Variants in PGS1 observed in about 807,000 individuals in gnomAD.
PGS1 encodes CDP-diacylglycerol--glycerol-3-phosphate 3-phosphatidyltransferase, mitochondrial.
A neutral mutation model predicts 58.3 loss-of-function variants in PGS1; 44 were observed. The ratio of observed to expected loss-of-function variants is 0.75; its 90% CI spans 0.59 to 0.97. The LOEUF is 0.97. PGS1 is among the 50% of genes least tolerant of loss of function. The probability of loss-of-function intolerance (pLI) is 0.00; values close to 1 mark genes in which losing one functional copy is unlikely to be tolerated. For synonymous variants in PGS1, 330 were observed against 311.0 expected (o/e 1.06, Z -0.64); for missense variants, 684 against 731.1 (o/e 0.94, Z 0.74).
rs534856477 is a variant in PGS1 at position 78,422,887 on chromosome 17, G to C, written c.*11-1174G>C. ...GAGGTTGGTGAATCACCTGAGGTTAGAAGTTTGAGACCAGCCTGGCCAACA... is the reference window on the plus strand; with the variant it reads ...GAGGTTGGTGAATCACCTGAGGTTACAAGTTTGAGACCAGCCTGGCCAACA... On this transcript the variant is annotated intron_variant, in intron 9 of 9. Transcript: ENST00000262764. 2.0e-5 allele frequency among the ~76,000 whole-genome samples: 3 copies of C among 152,122 alleles called. No individual in the cohort carries two copies. The South Asian group carries it at 6.2e-4, about 32-fold the overall frequency.
At chr17:78,410,462 CTTTTTTTTTTTT>C (rs572547320) in intron 7 of PGS1, among the ~76,000 whole-genome samples, 156 of 73,550 alleles carry the variant, frequency 2.1e-3, no homozygotes, top group African/African-American at 3.8e-3. Context: ...AACTTCAGAG[CTTTTTTTTTTTT>C]TTTTTTTTTT....
chr17:78,397,598 G>GCCTGA (rs1567962316), intron 3 of PGS1, among the ~76,000 whole-genome samples: 5 of 121,734 alleles, frequency 4.1e-5, no homozygotes, highest in Admixed American at 8.2e-5. Flanking sequence ...CACCCCCCCA[G>GCCTGA]CTAATTTTGT....
In PGS1 at chr17:78,400,824, G is replaced by A. The variant is rs571851421; in HGVS notation, c.849G>A (p.Gln283=). 1 of 1,611,458 alleles carries A rather than the reference G, an allele frequency of 6.2e-7. No individual in the cohort carries two copies. The highest frequency in any genetic ancestry group is 1.7e-5 in the Admixed American group (1 of 59,836). ...SLQLQGDDTV[Q]VVDGMVHPYK... Reference sequence around the variant, plus strand: ...AGCTGCAGGGGGACGACACGGTGCAGGTGGTGGATGGGATGGTGCATCCTT... The same window carrying A: ...AGCTGCAGGGGGACGACACGGTGCAAGTGGTGGATGGGATGGTGCATCCTT... The change falls in exon 6 of 10, where the codon CAG becomes CAA. Residue 283 remains glutamine, a synonymous_variant. Transcript: ENST00000262764. The surrounding 1 kb of genome is among the most constrained non-coding windows in gnomAD (Gnocchi z 4.4).
At chr17:78,411,902 C>CA (rs2084739777) in intron 7 of PGS1, among the ~76,000 whole-genome samples, 1 of 57,986 alleles carries the variant, frequency 1.7e-5, no homozygotes, top group Admixed American at 3.0e-4. Flanking sequence ...AGGGCTCCTG[C>CA]TTTTTTTTTT....
At position 78,378,691 on chromosome 17, in the gene PGS1, C is replaced by T. The variant is rs779304585; in HGVS notation, c.26C>T (p.Ala9Val). The T allele has an allele frequency of 1.6e-5, 25 of 1,525,656 alleles. No homozygotes were observed. Among genetic ancestry groups the T allele is most frequent in the East Asian group, 2.6e-5 (1 of 37,926 alleles). 94.5% of individuals were successfully genotyped at this position (1,525,656 alleles called of 1,614,324 possible). A position where few individuals can be genotyped will look rare whatever the true frequency, so the allele number is the denominator to read the frequency against. MAVAAAAA[A>V]GPVFWRRLLG... is the part of the protein sequence containing the mutation. ...ATGGCGGTGGCGGCGGCAGCTGCGG[C>T]GGGACCCGTGTTCTGGAGGCGACTG... The change falls in exon 1 of 10, where the codon GCG becomes GTG. Residue 9 changes from alanine (A) to valine (V), a missense_variant. Ala to Val is a moderately conservative substitution (Grantham distance 64). Transcript: ENST00000262764.
At chr17:78,404,754 G>A (rs1368358977) in intron 7 of PGS1, among the ~76,000 whole-genome samples, 2 of 152,244 alleles carry the variant, frequency 1.3e-5, no homozygotes, top group African/African-American at 2.4e-5. Context: ...TCCTCCTCCT[G>A]GGTTCAAGCG....
intron 4 of PGS1, among the ~76,000 whole-genome samples, chr17:78,399,024 T>G (rs2146197939): frequency 6.6e-6 from 1 of 152,322 alleles, no homozygotes; most frequent in East Asian, 1.9e-4. Flanking sequence ...TAGGGTCGTC[T>G]TCACCCAGAG....
intron 1 of PGS1, among the ~76,000 whole-genome samples, chr17:78,389,108 G>C (rs2082621729): frequency 7.4e-6 from 1 of 135,738 alleles, no homozygotes; most frequent in South Asian, 2.3e-4. Context: ...TCTCACCCAG[G>C]TTGGAGTGCA....
At chr17:78,417,538 T>C (rs2085297985) in intron 8 of PGS1, among the ~76,000 whole-genome samples, 1 of 152,080 alleles carries the variant, frequency 6.6e-6, no homozygotes, top group South Asian at 2.1e-4. Flanking sequence ...CCACATTCTG[T>C]AGGGTTCTGG....
At chr17:78,381,752 G>A (rs1389340548) in intron 1 of PGS1, among the ~76,000 whole-genome samples, 1 of 152,170 alleles carries the variant, frequency 6.6e-6, no homozygotes, top group Non-Finnish European at 1.5e-5. Context: ...TACTGCCGCG[G>A]TTTCCTTTCA....
Position 78,418,229 on chromosome 17 carries a change from C to T in PGS1, c.1552-1317C>T, listed in dbSNP as rs915998795. Among the ~76,000 whole-genome samples the T allele has an allele frequency of 2.2e-4, 33 of 152,124 alleles. 3 individuals carry two copies. Among genetic ancestry groups the T allele is most frequent in the Admixed American group, 1.6e-3 (24 of 15,280 alleles). ...ACAGGTGTGAGCCACCGCGCCCGGC[C>T]GCATATATAAATGTTTTTAAACCTG... On this transcript the variant is annotated intron_variant, in intron 8 of 9. Coordinates refer to ENST00000262764, the MANE Select transcript of PGS1 (RefSeq NM_024419.5).
chr17:78,386,800 A>G (rs1396158215), intron 1 of PGS1, among the ~76,000 whole-genome samples: 1 of 152,048 alleles, frequency 6.6e-6, no homozygotes, highest in Non-Finnish European at 1.5e-5. Flanking sequence ...AATTCCCAGG[A>G]GTTACATTGT....
intron 1 of PGS1, among the ~76,000 whole-genome samples, chr17:78,383,172 G>A (rs2082153904): frequency 6.6e-6 from 1 of 152,110 alleles, no homozygotes; most frequent in Non-Finnish European, 1.5e-5. Flanking sequence ...GTGTTGGATG[G>A]GTTAGGGGTT....
chr17:78,385,926 C>G (rs2082352496), intron 1 of PGS1, among the ~76,000 whole-genome samples: 2 of 152,200 alleles, frequency 1.3e-5, no homozygotes, highest in Admixed American at 6.5e-5. Flanking sequence ...CGGCCTCAGT[C>G]CTGGCTCGCC....
At chr17:78,410,415 C>G (rs912260571) in intron 7 of PGS1, among the ~76,000 whole-genome samples, 1 of 145,014 alleles carries the variant, frequency 6.9e-6, no homozygotes, top group African/African-American at 2.5e-5. Flanking sequence ...GGTGACAAGA[C>G]GAAACTCTGT....
chr17:78,386,975 ATGATGG>A (rs1190714457), intron 1 of PGS1, among the ~76,000 whole-genome samples: 6 of 117,018 alleles, frequency 5.1e-5, no homozygotes, highest in African/African-American at 1.4e-4. Context: ...GATGATGATG[ATGATGG>A]TGATGATGGT....
chr17:78,422,588 C>A (rs1444825906), intron 9 of PGS1, among the ~76,000 whole-genome samples: 1 of 127,988 alleles, frequency 7.8e-6, no homozygotes, highest in African/African-American at 2.8e-5. Flanking sequence ...TACTTGACCT[C>A]ATGGGCTCAA....
chr17:78,399,241 A>C, intron 4 of PGS1, 107 bp from the exon 5 acceptor site: 1 of 806,412 alleles, frequency 1.2e-6, no homozygotes, highest in Non-Finnish European at 2.1e-6. Context: ...TGACTGATTC[A>C]GGTGGACGGC....
chr17:78,387,274 G>A (rs1294275873), intron 1 of PGS1, among the ~76,000 whole-genome samples: 1 of 152,006 alleles, frequency 6.6e-6, no homozygotes, highest in Non-Finnish European at 1.5e-5. Context: ...AAAATGTTGG[G>A]ATTACAGGTG....
Sources: gnomAD v4.1 joint callset for allele counts (sites outside exome capture counted in the v4.1 genomes callset) on GRCh38, gnomAD v4.1.1 for gene constraint, Gnocchi (gnomAD v3.1) non-coding constraint, MANE v1.5 for transcripts, NCBI Gene and HGNC (gene_info 2026-07-23, HGNC 2026-07-21) for gene names.